Variants in LARP1B observed in about 807,000 individuals in gnomAD.
LARP1B encodes the protein La ribonucleoprotein 1B.
Under a neutral mutation model 114.2 loss-of-function variants are expected in LARP1B, and 76 were observed. That is an observed-to-expected ratio of 0.67 (90% CI 0.55 to 0.81). LARP1B has a LOEUF of 0.81. LARP1B is among the 30% of genes least tolerant of loss of function. The pLI, the probability that LARP1B is intolerant of heterozygous loss-of-function variation, is 0.00. For synonymous variants in LARP1B, 345 were observed against 348.0 expected (o/e 0.99, Z 0.10); for missense variants, 1,014 against 1,075.8 (o/e 0.94, Z 0.80).
At chr4:128,107,375 CTTAT>C (rs370102234) in intron 9 of LARP1B, 62 bp downstream of exon 9, 36 of 1,570,852 alleles carry the variant, frequency 2.3e-5, no homozygotes, top group African/African-American at 1.6e-4. Context: ...AATTTACTTA[CTTAT>C]TTATTTATTT....
intron 9 of LARP1B, among the ~76,000 whole-genome samples, chr4:128,109,610 A>G (rs1311062581): frequency 6.6e-6 from 1 of 152,086 alleles, no homozygotes; most frequent in African/African-American, 2.4e-5. Flanking sequence ...TTCATTCATC[A>G]GAATTGAAAG....
intron 11 of LARP1B, chr4:128,155,785 C>G: frequency 4.4e-6 from 7 of 1,596,682 alleles, no homozygotes; most frequent in East Asian, 2.2e-5. Flanking sequence ...GACTGACTTC[C>G]TGCAGGCGGA....
intron 10 of LARP1B, among the ~76,000 whole-genome samples, chr4:128,120,787 A>G (rs1787650728): frequency 6.9e-6 from 1 of 144,224 alleles, no homozygotes; most frequent in Non-Finnish European, 1.5e-5. Flanking sequence ...TTTAAGTTCT[A>G]TAGAAGGGGT....
Position 128,091,340 on chromosome 4 carries a change from C to T in LARP1B, c.503-7C>T. 1.2e-6 allele frequency: 2 copies of T among 1,601,794 alleles called. No homozygotes were observed. Among genetic ancestry groups the T allele is most frequent in the Admixed American group, 1.7e-5 (1 of 58,118 alleles). ...GATTACCTTTCTTTTTCTTTATTCACATCAAGTGAACTTTGATTATTCATA... is the reference window on the plus strand; with the variant it reads ...GATTACCTTTCTTTTTCTTTATTCATATCAAGTGAACTTTGATTATTCATA... On this transcript the variant is annotated splice_polypyrimidine_tract_variant and splice_region_variant and intron_variant, in intron 6 of 19. Transcript: ENST00000326639.
intron 4 of LARP1B, among the ~76,000 whole-genome samples, chr4:128,078,274 A>C (rs1215904873): frequency 6.6e-6 from 1 of 152,074 alleles, no homozygotes; most frequent in Non-Finnish European, 1.5e-5. Flanking sequence ...ACTGCTCCCT[A>C]TATTTAGGGA....
intron 11 of LARP1B, chr4:128,156,345 T>A: frequency 1.5e-6 from 1 of 665,280 alleles, no homozygotes; most frequent in Non-Finnish European, 2.7e-6. Context: ...ACTAACCATA[T>A]TGTGCTTCAC....
chr4:128,074,107 A>C (rs183424999), intron 1 of LARP1B, among the ~76,000 whole-genome samples: 12 of 150,906 alleles, frequency 8.0e-5, no homozygotes, highest in Admixed American at 2.6e-4. Context: ...TGCCCGGCTG[A>C]TTTTGTATTT....
chr4:128,121,812 A>G lies in LARP1B; in HGVS notation c.1162-14A>G, dbSNP rs1371581270. The G allele has an allele frequency of 1.3e-6, 2 of 1,488,208 alleles. No individual in the cohort carries two copies. Among genetic ancestry groups the G allele is most frequent in the East Asian group, 2.3e-5 (1 of 43,258 alleles). The allele number at this position is 1,488,208 out of a possible 1,614,324, so 92.2% of individuals were successfully genotyped here. A position where few individuals can be genotyped will look rare whatever the true frequency, so the allele number is the denominator to read the frequency against. ...AGAAAGTTTTTTATATAAATTACCA[A>G]TTTCTTCCTTCAGGAATCAGTGTCT... On this transcript the variant is annotated splice_polypyrimidine_tract_variant and intron_variant, in intron 10 of 19. Transcript: ENST00000326639.
rs559992210 is a variant in LARP1B, at chr4:128,088,997, G to C, written c.359-2004G>C. Among the ~76,000 whole-genome samples the C allele has an allele frequency of 1.4e-4, 22 of 152,164 alleles. No individual in the cohort carries two copies. In the South Asian group the frequency reaches 4.4e-3, roughly 30 times the overall value. ...AAATGTTTGAAAAAGACTGTTTTAGGTCTAAGCATTGAGGATGGAACTATG... is the reference window on the plus strand; with the variant it reads ...AAATGTTTGAAAAAGACTGTTTTAGCTCTAAGCATTGAGGATGGAACTATG... On this transcript the variant is annotated intron_variant, in intron 5 of 19. Coordinates refer to ENST00000326639, the MANE Select transcript of LARP1B (RefSeq NM_018078.4).
chr4:128,066,604 A>G (rs1011919374), intron 1 of LARP1B, among the ~76,000 whole-genome samples: 5 of 151,274 alleles, frequency 3.3e-5, no homozygotes, highest in African/African-American at 9.7e-5. Context: ...CAGCCAGCCA[A>G]GTAGCTGGGA....
chr4:128,086,336 G>A (rs1367552069), intron 5 of LARP1B, among the ~76,000 whole-genome samples: 6 of 151,516 alleles, frequency 4.0e-5, no homozygotes, highest in Non-Finnish European at 2.9e-5. Context: ...GCATTTGCAT[G>A]TTCCTTTTTT....
chr4:128,189,324 C>CTTTT (rs70966089), intron 15 of LARP1B, among the ~76,000 whole-genome samples: 2 of 6,822 alleles, frequency 2.9e-4, no homozygotes, highest in African/African-American at 4.2e-4. Flanking sequence ...AGTATGGCTA[C>CTTTT]TTTTTTTTTT....
chr4:128,162,797 C>A (rs1368926928), intron 12 of LARP1B, among the ~76,000 whole-genome samples: 2 of 152,090 alleles, frequency 1.3e-5, no homozygotes, highest in Non-Finnish European at 2.9e-5. Context: ...AAAAGTCACA[C>A]ATATACAAAG....
At chr4:128,219,705 T>A (rs1759838917) in intron 6 of LARP1B, among the ~76,000 whole-genome samples, 1 of 141,068 alleles carries the variant, frequency 7.1e-6, no homozygotes, top group African/African-American at 2.6e-5. Flanking sequence ...AGATGACGCG[T>A]TAGTGGGTGC....
intron 7 of LARP1B, among the ~76,000 whole-genome samples, chr4:128,094,608 T>C (rs748979121): frequency 2.0e-5 from 3 of 151,826 alleles, no homozygotes; most frequent in Non-Finnish European, 4.4e-5. Context: ...GGTTTTGCCA[T>C]GTTGCCCCAT....
intron 11 of LARP1B, among the ~76,000 whole-genome samples, chr4:128,138,967 A>ATAC (rs1182045208): frequency 1.3e-5 from 2 of 152,074 alleles, no homozygotes; most frequent in Non-Finnish European, 2.9e-5. Context: ...AATAATAATA[A>ATAC]TTTAAAAAGG....
chr4:128,069,418 G>A (rs992798549), intron 1 of LARP1B: 5 of 760,966 alleles, frequency 6.6e-6, no homozygotes, highest in East Asian at 4.9e-5. Context: ...GGGTGCTTTC[G>A]GCCACCATGG....
intron 17 of LARP1B, among the ~76,000 whole-genome samples, chr4:128,201,559 C>T (rs1396544774): frequency 6.6e-6 from 1 of 152,258 alleles, no homozygotes; most frequent in Non-Finnish European, 1.5e-5. Context: ...TACTGAACTA[C>T]ATATTCTTCA....
chr4:128,153,808 T>C (rs1734093209), intron 11 of LARP1B, among the ~76,000 whole-genome samples: 1 of 152,224 alleles, frequency 6.6e-6, no homozygotes. Context: ...GTTATTTGTC[T>C]TATGTTTCAT....
Sources: gnomAD v4.1 joint callset for allele counts (sites outside exome capture counted in the v4.1 genomes callset) on GRCh38, gnomAD v4.1.1 for gene constraint, MANE v1.5 for transcripts, NCBI Gene and HGNC (gene_info 2026-07-23, HGNC 2026-07-21) for gene names.